Variants in FAM13B observed in about 807,000 individuals in gnomAD.
The protein encoded by FAM13B is protein FAM13B.
In FAM13B, 60 loss-of-function variants were observed where a neutral mutation model predicts 117.3. That is an observed-to-expected ratio of 0.51 (90% CI 0.42 to 0.63). The LOEUF is 0.63. Ranked by LOEUF, FAM13B falls within the 30% of genes least tolerant of loss-of-function variation. The probability of loss-of-function intolerance (pLI) is 0.00; values close to 1 mark genes in which losing one functional copy is unlikely to be tolerated. For synonymous variants in FAM13B, 332 were observed against 356.1 expected (o/e 0.93, Z 0.76); for missense variants, 972 against 1,091.9 (o/e 0.89, Z 1.55).
chr5:137,973,733 A>G (rs1453340694), intron 10 of FAM13B, among the ~76,000 whole-genome samples: 2 of 147,000 alleles, frequency 1.4e-5, no homozygotes, highest in Non-Finnish European at 3.0e-5. Flanking sequence ...TCCAGAATCT[A>G]CAATGAACTC....
intron 23 of FAM13B, among the ~76,000 whole-genome samples, chr5:137,941,144 G>A (rs1473467089): frequency 6.6e-6 from 1 of 151,940 alleles, no homozygotes; most frequent in Non-Finnish European, 1.5e-5. Flanking sequence ...TCCTGACCTC[G>A]TGATCCACCC....
At chr5:138,041,285 A>G (rs1425553913) in intron 1 of FAM13B, among the ~76,000 whole-genome samples, 1 of 152,196 alleles carries the variant, frequency 6.6e-6, no homozygotes, top group Non-Finnish European at 1.5e-5. Flanking sequence ...AAATCTAAAC[A>G]CTATCCAAAA....
At chr5:138,034,006 G>C (rs1441008129), upstream of FAM13B, 1 of 152,204 alleles carries the variant, frequency 6.6e-6, no homozygotes, top group Non-Finnish European at 1.5e-5. Flanking sequence ...GTTACCCTAT[G>C]AAATGATCTG....
intron 3 of FAM13B, among the ~76,000 whole-genome samples, 198 bp downstream of exon 3, chr5:138,018,757 G>T (rs754459465): frequency 4.0e-5 from 6 of 151,680 alleles, no homozygotes; most frequent in Non-Finnish European, 8.8e-5. Flanking sequence ...ACTAAAACTT[G>T]TTCTAGGCTG....
chr5:137,952,954 T>G (rs1765451375), intron 16 of FAM13B, among the ~76,000 whole-genome samples: 1 of 152,168 alleles, frequency 6.6e-6, no homozygotes, highest in Non-Finnish European at 1.5e-5. Flanking sequence ...ACTTCATATG[T>G]TCTAACTATT....
intron 18 of FAM13B, 31 bp from the exon 19 acceptor site, chr5:137,946,342 C>CAAAAAAAAAAAACAAAAAAAA: frequency 1.1e-6 from 1 of 919,176 alleles, no homozygotes; most frequent in Non-Finnish European, 1.5e-6. Flanking sequence ...TAACAAAATA[C>CAAAAAAAAAAAACAAAAAAAA]AAAAAAAAAA....
intron 6 of FAM13B, among the ~76,000 whole-genome samples, chr5:138,009,364 CAGGTTT>C (rs1362659746): frequency 7.9e-5 from 12 of 152,004 alleles, no homozygotes; most frequent in Non-Finnish European, 8.8e-5. Context: ...AATGATAGAT[CAGGTTT>C]TAAAGTAGAT....
At position 137,939,914 on chromosome 5, in the gene FAM13B, G is replaced by C. The variant is rs1216842177; in HGVS notation, c.*311C>G. 56 of 1,325,754 alleles carry C rather than the reference G, an allele frequency of 4.2e-5. No individual in the cohort carries two copies. The highest frequency in any genetic ancestry group is 1.9e-6 in the Non-Finnish European group (2 of 1,037,112). The allele number at this position is 1,325,754 out of a possible 1,614,324, so 82.1% of individuals were successfully genotyped here. The stretch of plus-strand genomic sequence containing the variant: ...AAAAGCTTGCATTTCCAAAGTTCTT[G>C]AAGTTGAAAGGATAAAATTCCAGTC... On this transcript the variant is annotated 3_prime_UTR_variant, in exon 24 of 24. Transcript: ENST00000689681.
At chr5:137,945,401 T>C (rs1425860245) in intron 20 of FAM13B, among the ~76,000 whole-genome samples, 1 of 152,242 alleles carries the variant, frequency 6.6e-6, no homozygotes, top group Non-Finnish European at 1.5e-5. Context: ...AGCATTATTT[T>C]AAGTGACTTC....
At chr5:137,966,488 T>TAGAG (rs57142324) in intron 10 of FAM13B, among the ~76,000 whole-genome samples, 414 of 29,436 alleles carry the variant, frequency 0.014, 8 homozygotes, top group African/African-American at 0.021. Context: ...TATATATATA[T>TAGAG]AGAGAGAGAG....
intron 4 of FAM13B, among the ~76,000 whole-genome samples, chr5:138,013,718 A>C (rs527257936): frequency 6.6e-6 from 1 of 152,320 alleles, no homozygotes; most frequent in East Asian, 1.9e-4. Context: ...AAATTTTAAC[A>C]ACCTAAGCAT....
intron 7 of FAM13B, among the ~76,000 whole-genome samples, chr5:137,992,464 C>T (rs1778854077): frequency 6.6e-6 from 1 of 151,832 alleles, no homozygotes; most frequent in South Asian, 2.1e-4. Context: ...CATGGTGACG[C>T]ATGCCTGTAA....
rs1380972422 is a variant in FAM13B at position 138,019,028 on chromosome 5, C to T, written c.84G>A (p.Leu28=). Residue 28 remains leucine, a synonymous_variant, in exon 3 of 24, where the codon CTG becomes CTA. Transcript: ENST00000689681. The stretch of plus-strand genomic sequence containing the variant: ...CATTGTCTGGATGTCCTCCCTGCTG[C>T]AGCTCATCAAGTGGAATTCCAAATA... The part of the protein sequence containing the change: ...NKIFGIPLDE[L]QQGGHPDNEV... 8.1e-6 allele frequency: 13 copies of T among 1,613,620 alleles called. No individual in the cohort carries two copies. Among genetic ancestry groups the T allele is most frequent in the South Asian group, 2.2e-5 (2 of 91,066 alleles).
At chr5:138,040,826 G>A (rs1030601595) in intron 1 of FAM13B, among the ~76,000 whole-genome samples, 3 of 152,146 alleles carry the variant, frequency 2.0e-5, no homozygotes, top group Admixed American at 2.0e-4. Context: ...CACTCTGGGA[G>A]GCCAACATGA....
chr5:137,999,352 C>T (rs1413656010), intron 7 of FAM13B, among the ~76,000 whole-genome samples: 1 of 152,080 alleles, frequency 6.6e-6, no homozygotes, highest in East Asian at 1.9e-4. Flanking sequence ...CTGAAGTGGG[C>T]AGATCATGAG....
rs138873055 is a variant in FAM13B at position 137,959,059 on chromosome 5, T to C, written c.1441+557A>G. 1.1e-4 allele frequency among the ~76,000 whole-genome samples: 17 copies of C among 152,354 alleles called. No individual in the cohort carries two copies. The East Asian group carries it at 2.1e-3, about 19-fold the overall frequency. On this transcript the variant is annotated intron_variant, in intron 13 of 23. Transcript: ENST00000689681. ...TTTGCTGAGTTTTGAGAAATGCATATACCCATGTTGTTTGCTTGTTAAATT... is the reference window on the plus strand; with the variant it reads ...TTTGCTGAGTTTTGAGAAATGCATACACCCATGTTGTTTGCTTGTTAAATT...
chr5:137,949,577 C>T (rs1214894301), intron 17 of FAM13B, among the ~76,000 whole-genome samples: 2 of 152,024 alleles, frequency 1.3e-5, no homozygotes, highest in South Asian at 2.1e-4. Context: ...GTCAGGAGTT[C>T]GAGACCAGCC....
At chr5:138,036,647 T>C (rs1421101852), upstream of FAM13B, 1 of 453,402 alleles carries the variant, frequency 2.2e-6, no homozygotes, top group African/African-American at 2.0e-5. Context: ...CTTTTATAAC[T>C]AAATAACTGA....
chr5:137,976,423 A>C (rs776252799), intron 10 of FAM13B, among the ~76,000 whole-genome samples: 19 of 152,172 alleles, frequency 1.2e-4, no homozygotes, highest in Non-Finnish European at 2.5e-4. Context: ...AATTTTCTTT[A>C]ATTGGAATTT....
Sources: gnomAD v4.1 joint callset for allele counts (sites outside exome capture counted in the v4.1 genomes callset) on GRCh38, gnomAD v4.1.1 for gene constraint, MANE v1.5 for transcripts, NCBI Gene and HGNC (gene_info 2026-07-23, HGNC 2026-07-21) for gene names.